The following HS3ST4 variants were observed in gnomAD, a reference collection of about 807,000 sequenced individuals.
HS3ST4 encodes heparan sulfate-glucosamine 3-sulfotransferase 4.
In HS3ST4, 17 loss-of-function variants were observed where a neutral mutation model predicts 29.2. The ratio of observed to expected loss-of-function variants is 0.58; its 90% CI spans 0.40 to 0.87. The LOEUF (loss-of-function observed/expected upper bound fraction) is 0.87, where lower values mean the gene tolerates loss of function less well. HS3ST4 is among the 40% of genes least tolerant of loss of function. The pLI, the probability that HS3ST4 is intolerant of heterozygous loss-of-function variation, is 0.00. For missense variants in HS3ST4, 627 were observed against 634.5 expected, an observed-to-expected ratio of 0.99 and a Z score of 0.13; for synonymous variants, 314 against 285.7, an observed-to-expected ratio of 1.10 and a Z score of -1.00.
intron 1 of HS3ST4, among the ~76,000 whole-genome samples, chr16:25,994,420 C>T (rs1312048600): frequency 1.3e-5 from 2 of 151,948 alleles, no homozygotes; most frequent in African/African-American, 4.8e-5. Context: ...ATATTGGCTA[C>T]ATTTCCTACC....
chr16:25,728,202 A>C lies in HS3ST4; in HGVS notation c.734+35051A>C, dbSNP rs1966549889. 3.9e-5 allele frequency among the ~76,000 whole-genome samples: 6 copies of C among 152,232 alleles called. No homozygotes were observed. The South Asian group carries it at 1.2e-3, about 32-fold the overall frequency. The stretch of plus-strand genomic sequence containing the variant: ...TTTTTAGTAGAGACAGGGTTTCACC[A>C]TGTTGGCCAGGATGGTCTCGATCTC... On this transcript the variant is annotated intron_variant, in intron 1 of 1. Transcript: ENST00000331351.
intron 1 of HS3ST4, among the ~76,000 whole-genome samples, chr16:25,908,729 T>C (rs1567270025): frequency 1.3e-5 from 2 of 152,182 alleles, no homozygotes; most frequent in African/African-American, 2.4e-5. Context: ...CAAGAGCGTG[T>C]TATCAGTTCA....
At chr16:25,922,200 C>T (rs1351171252) in intron 1 of HS3ST4, among the ~76,000 whole-genome samples, 2 of 152,106 alleles carry the variant, frequency 1.3e-5, no homozygotes, top group African/African-American at 4.8e-5. Flanking sequence ...TTGTATCTCC[C>T]TAAAATCTAT....
rs191913277 is a variant in HS3ST4 at position 25,786,616 on chromosome 16, C to T, written c.734+93465C>T. On this transcript the variant is annotated intron_variant, in intron 1 of 1. Coordinates refer to ENST00000331351, the MANE Select transcript of HS3ST4 (RefSeq NM_006040.3). The stretch of plus-strand genomic sequence containing the variant: ...TTCTTCTTGACTTAACAATGGACTC[C>T]CCTGAACAATGTGATCTTGTTCTCT... 7.0e-4 allele frequency among the ~76,000 whole-genome samples: 106 copies of T among 152,210 alleles called. 1 individual carries two copies. Among genetic ancestry groups the T allele is most frequent in the African/African-American group, 2.5e-3 (105 of 41,530 alleles).
At chr16:26,063,391 T>C (rs1898503666) in intron 1 of HS3ST4, among the ~76,000 whole-genome samples, 1 of 151,812 alleles carries the variant, frequency 6.6e-6, no homozygotes, top group African/African-American at 2.4e-5. Context: ...GGATGTGTGA[T>C]AAGGAGAAAA....
intron 1 of HS3ST4, among the ~76,000 whole-genome samples, chr16:26,090,372 C>A (rs560561094): frequency 6.6e-6 from 1 of 152,082 alleles, no homozygotes; most frequent in Non-Finnish European, 1.5e-5. Context: ...AGCTGTTGTC[C>A]ACGTTGGCCC....
At chr16:25,757,312 T>G (rs565201025) in intron 1 of HS3ST4, among the ~76,000 whole-genome samples, 65 of 152,280 alleles carry the variant, frequency 4.3e-4, no homozygotes, top group Non-Finnish European at 7.8e-4. Flanking sequence ...TAATAAAACT[T>G]TTAAAAACCT....
intron 1 of HS3ST4, among the ~76,000 whole-genome samples, chr16:26,044,663 A>G (rs1898244194): frequency 6.6e-6 from 1 of 152,150 alleles, no homozygotes; most frequent in South Asian, 2.1e-4. Context: ...GGGATGGGCA[A>G]GCTAGGGATA....
intron 1 of HS3ST4, among the ~76,000 whole-genome samples, chr16:25,798,951 C>T (rs112929261): frequency 2.0e-4 from 31 of 152,134 alleles, no homozygotes; most frequent in African/African-American, 2.4e-4. Flanking sequence ...GAAGCATAGA[C>T]GTTACATGTT....
chr16:25,732,124 G>A (rs1596555430), intron 1 of HS3ST4, among the ~76,000 whole-genome samples: 1 of 152,142 alleles, frequency 6.6e-6, no homozygotes, highest in African/African-American at 2.4e-5. Flanking sequence ...CAGGCTGCTG[G>A]CTTTCCATAA....
Position 25,736,259 on chromosome 16 carries a change from T to G in HS3ST4, c.734+43108T>G, listed in dbSNP as rs60504089. Among the ~76,000 whole-genome samples, 3 of 152,090 alleles carry G rather than the reference T, an allele frequency of 2.0e-5. No homozygotes were observed. In the East Asian group the frequency reaches 5.8e-4, roughly 29 times the overall value. On this transcript the variant is annotated intron_variant, in intron 1 of 1. Transcript: ENST00000331351. The stretch of plus-strand genomic sequence containing the variant: ...CATGTTTTTGAGGCTATGACCACCC[T>G]TTGTCATCATGTCTCTGCAGTGTGG...
chr16:25,741,478 A>C (rs926447225), intron 1 of HS3ST4, among the ~76,000 whole-genome samples: 1 of 151,168 alleles, frequency 6.6e-6, no homozygotes, highest in African/African-American at 2.4e-5. Flanking sequence ...CTTCTTGTTG[A>C]ACTTGGTTGA....
At chr16:26,100,614 T>C (rs4404074) in intron 1 of HS3ST4, among the ~76,000 whole-genome samples, 68,959 of 151,974 alleles carry the variant, frequency 0.45, 16,199 homozygotes, top group Non-Finnish European at 0.51. Context: ...TCTGAATCCA[T>C]GGGGCAACTC....
At position 25,999,996 on chromosome 16, in the gene HS3ST4, A is replaced by T. The variant is rs889255511; in HGVS notation, c.735-135616A>T. Among the ~76,000 whole-genome samples, 5 of 149,928 alleles carry T rather than the reference A, an allele frequency of 3.3e-5. No homozygotes were observed. In the East Asian group the frequency reaches 7.8e-4, roughly 23 times the overall value. ...TGAGTTTAGAATCCAAGAAATGTTT[A>T]TCTATTCTGTAGATAAATGTGTACA... On this transcript the variant is annotated intron_variant, in intron 1 of 1. Coordinates refer to ENST00000331351, the MANE Select transcript of HS3ST4 (RefSeq NM_006040.3).
intron 1 of HS3ST4, among the ~76,000 whole-genome samples, chr16:26,123,863 T>A (rs1260590883): frequency 6.6e-6 from 1 of 152,232 alleles, no homozygotes; most frequent in Non-Finnish European, 1.5e-5. Flanking sequence ...TTTTTATGTC[T>A]GCATAGTATT....
intron 1 of HS3ST4, among the ~76,000 whole-genome samples, chr16:25,904,153 T>TG (rs1567268983): frequency 2.8e-5 from 2 of 71,002 alleles, no homozygotes; most frequent in East Asian, 5.7e-4. Context: ...GATGGATGGA[T>TG]GAATGGATGA....
intron 1 of HS3ST4, among the ~76,000 whole-genome samples, chr16:25,983,666 C>T (rs2141723895): frequency 6.6e-6 from 1 of 152,328 alleles, no homozygotes; most frequent in South Asian, 2.1e-4. Flanking sequence ...TTCTCCAGCC[C>T]ATGGTAGATT....
At chr16:26,007,947 A>G (rs1452033390) in intron 1 of HS3ST4, among the ~76,000 whole-genome samples, 3 of 151,332 alleles carry the variant, frequency 2.0e-5, no homozygotes, top group South Asian at 4.2e-4. Flanking sequence ...AATTCGGTAC[A>G]TGCAGCCATA....
chr16:25,925,871 C>T (rs1968397273), intron 1 of HS3ST4, among the ~76,000 whole-genome samples: 1 of 152,080 alleles, frequency 6.6e-6, no homozygotes, highest in South Asian at 2.1e-4. Context: ...TCCTTTCATT[C>T]ACAACTTGTG....
Sources: gnomAD v4.1 joint callset for allele counts (sites outside exome capture counted in the v4.1 genomes callset) on GRCh38, gnomAD v4.1.1 for gene constraint, MANE v1.5 for transcripts, NCBI Gene and HGNC (gene_info 2026-07-23, HGNC 2026-07-21) for gene names.